The following CAMTA1 variants were observed in gnomAD, a reference collection of about 807,000 sequenced individuals.
CAMTA1 encodes the protein calmodulin-binding transcription activator 1.
In CAMTA1, 27 loss-of-function variants were observed where a neutral mutation model predicts 170.9. The ratio of observed to expected loss-of-function variants is 0.16; its 90% CI spans 0.12 to 0.22. The LOEUF is 0.22. Among genes scored for constraint, CAMTA1 ranks in the 10% least tolerant of loss-of-function variants. CAMTA1 has a pLI of 1.00. For synonymous variants in CAMTA1, 833 were observed against 891.5 expected (o/e 0.93, Z 1.17); for missense variants, 1,619 against 2,217.2 (o/e 0.73, Z 5.42).
chr1:7,486,555 C>T (rs2093620062), intron 6 of CAMTA1, among the ~76,000 whole-genome samples: 2 of 152,202 alleles, frequency 1.3e-5, no homozygotes, highest in Non-Finnish European at 2.9e-5. Context: ...TGGAGACTTC[C>T]AAGGCTGACG....
At chr1:7,420,157 C>T (rs705692) in intron 5 of CAMTA1, among the ~76,000 whole-genome samples, 126,225 of 151,948 alleles carry the variant, frequency 0.83, 53,356 homozygotes, top group East Asian at 0.98. Flanking sequence ...GTTCTCCACG[C>T]GTGCCCCTCC....
rs141051750 is a variant in CAMTA1, at chr1:7,154,527, G to C, written c.302+63156G>C. 7.5e-3 allele frequency among the ~76,000 whole-genome samples: 1,142 copies of C among 152,268 alleles called. 12 individuals carry two copies. The highest frequency in any genetic ancestry group is 0.026 in the African/African-American group (1,072 of 41,542). On this transcript the variant is annotated intron_variant, in intron 4 of 22. Coordinates refer to ENST00000303635, the MANE Select transcript of CAMTA1 (RefSeq NM_015215.4). The stretch of plus-strand genomic sequence containing the variant: ...TCCACATCCCTTTCTGGCAGGAGAG[G>C]ATCTGAGAAATTGACTCACACTAAG...
chr1:7,758,067 A>G (rs1013916322), intron 22 of CAMTA1, among the ~76,000 whole-genome samples: 1 of 151,926 alleles, frequency 6.6e-6, no homozygotes, highest in African/African-American at 2.4e-5. Flanking sequence ...ATTTTAAAAA[A>G]CCTCCAAGAG....
intron 6 of CAMTA1, among the ~76,000 whole-genome samples, chr1:7,613,781 TG>T (rs2095540001): frequency 2.8e-5 from 1 of 35,562 alleles, no homozygotes; most frequent in Non-Finnish European, 5.8e-5. Context: ...CCTGGAGGGG[TG>T]GGTGGGAGCA....
chr1:7,125,029 C>T (rs1159460913), intron 4 of CAMTA1, among the ~76,000 whole-genome samples: 1 of 152,106 alleles, frequency 6.6e-6, no homozygotes, highest in African/African-American at 2.4e-5. Context: ...AGCTCCGAGC[C>T]TGGTTTCTGT....
At chr1:7,080,277 A>G (rs1032257438) in intron 3 of CAMTA1, among the ~76,000 whole-genome samples, 2 of 145,182 alleles carry the variant, frequency 1.4e-5, no homozygotes, top group African/African-American at 5.1e-5. Context: ...TGTTTTTTTA[A>G]TCTCTCAAAA....
At chr1:7,230,957 T>C (rs1470240290) in intron 4 of CAMTA1, among the ~76,000 whole-genome samples, 1 of 151,814 alleles carries the variant, frequency 6.6e-6, no homozygotes, top group African/African-American at 2.4e-5. Context: ...AGGGAACCAG[T>C]GTACAGAGGG....
chr1:7,361,318 C>T (rs943791228), intron 5 of CAMTA1, among the ~76,000 whole-genome samples: 3 of 152,146 alleles, frequency 2.0e-5, no homozygotes, highest in Admixed American at 1.3e-4. Context: ...CTGGTCAATG[C>T]GAACAGGACA....
Position 7,020,032 on chromosome 1 carries a change from A to G in CAMTA1, c.235-71272A>G, listed in dbSNP as rs142857056. 5.1e-3 allele frequency among the ~76,000 whole-genome samples: 770 copies of G among 152,336 alleles called. 2 individuals carry two copies. Among genetic ancestry groups the G allele is most frequent in the Non-Finnish European group, 7.0e-3 (477 of 68,036 alleles). On this transcript the variant is annotated intron_variant, in intron 3 of 22. Coordinates refer to ENST00000303635, the MANE Select transcript of CAMTA1 (RefSeq NM_015215.4). ...GCTCACTGGGGATTGCCTGAAGCCA[A>G]TGCTGGCATGGCTGGGCTGCCTGTT...
intron 6 of CAMTA1, among the ~76,000 whole-genome samples, chr1:7,528,389 G>A (rs1004265791): frequency 2.0e-5 from 3 of 151,936 alleles, no homozygotes; most frequent in Admixed American, 1.3e-4. Context: ...TAGCTTCAAG[G>A]CCTGACACTC....
intron 5 of CAMTA1, among the ~76,000 whole-genome samples, chr1:7,431,481 C>G (rs947349036): frequency 1.3e-5 from 2 of 152,206 alleles, no homozygotes; most frequent in African/African-American, 4.8e-5. Context: ...TGTGGCTGCC[C>G]CAGGTCCCTG....
At chr1:7,367,193 G>T (rs2086039866) in intron 5 of CAMTA1, among the ~76,000 whole-genome samples, 1 of 152,160 alleles carries the variant, frequency 6.6e-6, no homozygotes, top group African/African-American at 2.4e-5. Context: ...GTGACATTGA[G>T]TGTCATATCA....
At chr1:6,865,371 A>G (rs1666235398) in intron 3 of CAMTA1, among the ~76,000 whole-genome samples, 1 of 152,144 alleles carries the variant, frequency 6.6e-6, no homozygotes, top group Non-Finnish European at 1.5e-5. Context: ...GGCCTAGTGC[A>G]GAGTGTGGGG....
chr1:7,344,480 A>G (rs2084074350), intron 5 of CAMTA1, among the ~76,000 whole-genome samples: 1 of 152,192 alleles, frequency 6.6e-6, no homozygotes, highest in African/African-American at 2.4e-5. Flanking sequence ...ACTGGATTCC[A>G]TGAGACTCAT....
chr1:7,370,439 C>T (rs1002364246), intron 5 of CAMTA1, among the ~76,000 whole-genome samples: 16 of 152,270 alleles, frequency 1.1e-4, no homozygotes, highest in Admixed American at 1.0e-3. Flanking sequence ...TAATAAGGTA[C>T]ATTTGAACCC....
At chr1:7,038,056 G>A (rs887239332) in intron 3 of CAMTA1, among the ~76,000 whole-genome samples, 2 of 151,976 alleles carry the variant, frequency 1.3e-5, no homozygotes, top group African/African-American at 4.8e-5. Context: ...TATAAAATGA[G>A]GCTACGTTAG....
intron 4 of CAMTA1, among the ~76,000 whole-genome samples, chr1:7,149,273 A>G (rs987710105): frequency 6.6e-6 from 1 of 152,224 alleles, no homozygotes; most frequent in Non-Finnish European, 1.5e-5. Flanking sequence ...GCTTCTGAGC[A>G]CATGGGCCTT....
chr1:6,821,889 A>G (rs190126131), intron 2 of CAMTA1, among the ~76,000 whole-genome samples: 69 of 152,266 alleles, frequency 4.5e-4, no homozygotes, highest in African/African-American at 1.6e-3. Flanking sequence ...GGAAAGTTAT[A>G]TTATACTACA....
At chr1:7,086,761 G>A (rs913625155) in intron 3 of CAMTA1, among the ~76,000 whole-genome samples, 3 of 152,140 alleles carry the variant, frequency 2.0e-5, no homozygotes, top group Non-Finnish European at 2.9e-5. Flanking sequence ...CCTTTCTATG[G>A]CTGAATAACA....
Sources: allele counts gnomAD v4.1 joint callset (sites outside exome capture counted in the v4.1 genomes callset), GRCh38; gene constraint gnomAD v4.1.1; transcripts MANE v1.5; gene names NCBI Gene and HGNC (gene_info 2026-07-23, HGNC 2026-07-21).